Variants in DOCK5 observed in about 807,000 individuals in gnomAD.
DOCK5 encodes dedicator of cytokinesis 5.
A neutral mutation model predicts 251.8 loss-of-function variants in DOCK5; 142 were observed. The observed-to-expected ratio is 0.56, with a 90% confidence interval of 0.49 to 0.65. DOCK5 has a LOEUF of 0.65. Among genes scored for constraint, DOCK5 ranks in the 30% least tolerant of loss-of-function variants. The pLI is 0.00. For missense variants in DOCK5, 2,111 were observed against 2,312.3 expected (o/e 0.91, Z 1.79); for synonymous variants, 842 against 835.5 (o/e 1.01, Z -0.13).
intron 30 of DOCK5, 172 bp downstream of exon 30, chr8:25,364,876 C>T: frequency 2.0e-6 from 1 of 498,778 alleles, no homozygotes; most frequent in Non-Finnish European, 3.6e-6. Context: ...CCAAACACAA[C>T]AAAATAGGGG....
chr8:25,243,751 T>A lies in DOCK5; in HGVS notation c.121T>A (p.Tyr41Asn). 1 of 1,613,562 alleles carries A rather than the reference T, an allele frequency of 6.2e-7. No individual in the cohort carries two copies. Among genetic ancestry groups the A allele is most frequent in the Non-Finnish European group, 8.5e-7 (1 of 1,179,662 alleles). The change falls in exon 2 of 52, where the codon TAC (tyrosine) becomes AAC (asparagine). Residue 41 changes from tyrosine (Y) to asparagine (N), a missense_variant. Physicochemically the swap from Tyr to Asn is moderately radical, Grantham distance 143. This residue lies in a region of DOCK5 where 335 missense variants were observed against 324.9 expected (regional missense o/e 1.03). Coordinates refer to ENST00000276440, the MANE Select transcript of DOCK5 (RefSeq NM_024940.8). ...IGDTVHILEM[Y>N]EGWYRGYTLQ... is the part of the protein sequence containing the mutation. ...TGACACAGTTCACATCCTGGAGATG[T>A]ACGAGGGTAAGTCTGGCTGGCCTTC...
chr8:25,405,316 CT>C (rs1387696165), intron 48 of DOCK5, among the ~76,000 whole-genome samples: 1 of 149,410 alleles, frequency 6.7e-6, no homozygotes, highest in Non-Finnish European at 1.5e-5. Context: ...ACAATTTTGT[CT>C]GTAATCCTTT....
At chr8:25,323,684 C>T (rs913356830) in intron 16 of DOCK5, among the ~76,000 whole-genome samples, 164 bp from the exon 17 acceptor site, 5 of 152,172 alleles carry the variant, frequency 3.3e-5, no homozygotes, top group African/African-American at 1.2e-4. Flanking sequence ...GGGTGCCAGG[C>T]AGTTTCAGTG....
intron 30 of DOCK5, among the ~76,000 whole-genome samples, chr8:25,365,470 A>G (rs1469024785): frequency 1.3e-5 from 2 of 152,266 alleles, no homozygotes; most frequent in Non-Finnish European, 1.5e-5. Context: ...TGAAGCAATA[A>G]AAGCCAGATT....
chr8:25,407,972 C>T lies in DOCK5; in HGVS notation c.5094-11C>T. Reference sequence around the variant, plus strand: ...GTATTTGTGATGTTTGTCCTTGTTCCTGGCCAATAGCTCAATCTTGGAGCC... The same window carrying T: ...GTATTTGTGATGTTTGTCCTTGTTCTTGGCCAATAGCTCAATCTTGGAGCC... On this transcript the variant is annotated splice_polypyrimidine_tract_variant and intron_variant, in intron 48 of 51. Transcript: ENST00000276440. The T allele has an allele frequency of 6.2e-7, 1 of 1,607,538 alleles. No individual in the cohort carries two copies. Among genetic ancestry groups the T allele is most frequent in the South Asian group, 1.1e-5 (1 of 90,116 alleles).
intron 4 of DOCK5, among the ~76,000 whole-genome samples, chr8:25,276,031 T>C (rs1332765057): frequency 6.6e-6 from 1 of 152,118 alleles, no homozygotes; most frequent in Non-Finnish European, 1.5e-5. Flanking sequence ...GCCTCTACAT[T>C]ACATTTATTA....
chr8:25,202,890 T>G (rs1801912910), intron 1 of DOCK5, among the ~76,000 whole-genome samples: 2 of 152,196 alleles, frequency 1.3e-5, no homozygotes, highest in Non-Finnish European at 2.9e-5. Context: ...GTTTTTGAAT[T>G]TTTTTATTTA....
chr8:25,241,051 G>A (rs528592177), intron 1 of DOCK5, among the ~76,000 whole-genome samples: 1 of 152,230 alleles, frequency 6.6e-6, no homozygotes, highest in South Asian at 2.1e-4. Context: ...AGATATATGC[G>A]ATTGCATTTA....
chr8:25,277,174 T>G (rs1443861868), intron 4 of DOCK5: 2 of 154,128 alleles, frequency 1.3e-5, no homozygotes, highest in African/African-American at 2.4e-5. Context: ...GTATGCAACA[T>G]TGGTCTGTAA....
At chr8:25,373,344 C>T (rs1410648391) in intron 35 of DOCK5, among the ~76,000 whole-genome samples, 4 of 152,222 alleles carry the variant, frequency 2.6e-5, no homozygotes, top group East Asian at 1.9e-4. Context: ...TTAGAGCACC[C>T]GTCACCCGAG....
At chr8:25,186,365 T>TTGG (rs1801431519) in intron 1 of DOCK5, among the ~76,000 whole-genome samples, 1 of 149,170 alleles carries the variant, frequency 6.7e-6, no homozygotes, top group African/African-American at 2.5e-5. Flanking sequence ...TTTTTTTTTT[T>TTGG]TGGTTTGTTT....
intron 46 of DOCK5, 46 bp from the exon 47 acceptor site, chr8:25,400,883 C>T (rs1563231706): frequency 1.2e-6 from 2 of 1,608,368 alleles, no homozygotes; most frequent in Non-Finnish European, 1.7e-6. Flanking sequence ...CAAAACGATC[C>T]CTCTTCCTGA....
intron 2 of DOCK5, among the ~76,000 whole-genome samples, chr8:25,253,675 T>C (rs996717293): frequency 6.6e-6 from 1 of 152,152 alleles, no homozygotes; most frequent in African/African-American, 2.4e-5. Context: ...AAGTTAAATA[T>C]ATGCCTCTGC....
intron 40 of DOCK5, among the ~76,000 whole-genome samples, chr8:25,387,016 A>G (rs139353126): frequency 2.2e-3 from 328 of 152,334 alleles, no homozygotes; most frequent in African/African-American, 7.5e-3. Context: ...TGTAGAATAT[A>G]AAATCCTCAG....
At chr8:25,285,779 A>G (rs143066838) in intron 5 of DOCK5, among the ~76,000 whole-genome samples, 38 of 152,304 alleles carry the variant, frequency 2.5e-4, no homozygotes, top group African/African-American at 9.1e-4. Flanking sequence ...CCTTATTACC[A>G]AGAACAGAAA....
chr8:25,390,308 A>G, intron 42 of DOCK5, 21 bp downstream of exon 42: 1 of 1,492,036 alleles, frequency 6.7e-7, no homozygotes, highest in African/African-American at 1.4e-5. Flanking sequence ...TTTCATTTAA[A>G]AAAAAAAAAA....
intron 5 of DOCK5, among the ~76,000 whole-genome samples, chr8:25,287,865 CAG>C (rs1804379370): frequency 6.6e-6 from 1 of 150,488 alleles, no homozygotes; most frequent in Admixed American, 6.6e-5. Flanking sequence ...AATAGAGCCT[CAG>C]AGGAGCTTAG....
rs1010217102 is a variant in DOCK5, at chr8:25,243,658, T to C, written c.44-16T>C. 6.2e-7 allele frequency: 1 copy of C among 1,610,778 alleles called. No homozygotes were observed. The highest frequency in any genetic ancestry group is 8.5e-7 in the Non-Finnish European group (1 of 1,178,296). On this transcript the variant is annotated splice_polypyrimidine_tract_variant and intron_variant, in intron 1 of 51. Coordinates refer to ENST00000276440, the MANE Select transcript of DOCK5 (RefSeq NM_024940.8). ...GACATGCATTCTAATTTCCCTTTTT[T>C]ATTTCTCATTTCCAGCGATCTATAA...
intron 13 of DOCK5, among the ~76,000 whole-genome samples, chr8:25,314,773 C>T (rs1805198883): frequency 6.7e-6 from 1 of 148,818 alleles, no homozygotes; most frequent in Non-Finnish European, 1.5e-5. Flanking sequence ...ATCCACCCAC[C>T]TATCCATCCA....
Sources: allele counts gnomAD v4.1 joint callset (sites outside exome capture counted in the v4.1 genomes callset), GRCh38; gene constraint gnomAD v4.1.1; regional missense constraint gnomAD v4.1.1; transcripts MANE v1.5; gene names NCBI Gene and HGNC (gene_info 2026-07-23, HGNC 2026-07-21).